SNRK: variants seen among roughly 807,000 people sequenced by gnomAD.
SNRK encodes the protein SNF-related serine/threonine-protein kinase.
Under a neutral mutation model 48.2 loss-of-function variants are expected in SNRK, and 3 were observed. The observed-to-expected ratio is 0.06, with a 90% CI of 0.03 to 0.16. The LOEUF (loss-of-function observed/expected upper bound fraction) is 0.16, where lower values mean the gene tolerates loss of function less well. Among genes scored for constraint, SNRK ranks in the 10% least tolerant of loss-of-function variants. SNRK has a pLI of 1.00. For synonymous variants in SNRK, 376 were observed against 366.1 expected (o/e 1.03, Z -0.31); for missense variants, 627 against 976.0 (o/e 0.64, Z 4.76).
rs545171230 is a variant in SNRK, at chr3:43,333,084, T to A, written c.731+774T>A. 3 of 152,200 alleles carry A rather than the reference T, an allele frequency of 2.0e-5. No homozygotes were observed. In the East Asian group the frequency reaches 5.8e-4, roughly 29 times the overall value. The allele number at this position is 152,200 out of a possible 1,614,324, so 9.4% of individuals were successfully genotyped here. ...TCTGATTGCCCAAGGACTTTTTTTC[T>A]CTAAATGAAGCCCCATCTCAGGTGG... On this transcript the variant is annotated intron_variant, in intron 4 of 6. Transcript: ENST00000296088.
chr3:43,305,026 C>G (rs984346), intron 3 of SNRK, among the ~76,000 whole-genome samples: 1 of 152,080 alleles, frequency 6.6e-6, no homozygotes, highest in Non-Finnish European at 1.5e-5. Context: ...AAAATCTTCA[C>G]CCTCATTAGT....
intron 2 of SNRK, among the ~76,000 whole-genome samples, chr3:43,301,831 G>A (rs568881719): frequency 1.2e-3 from 185 of 152,234 alleles, no homozygotes; most frequent in Non-Finnish European, 4.9e-4. Context: ...TTCCTTGTTG[G>A]ATTTTGTTAC....
chr3:43,349,783 C>T lies in SNRK; in HGVS notation c.*1226C>T, dbSNP rs2091308991. On this transcript the variant is annotated 3_prime_UTR_variant, in exon 7 of 7. Coordinates refer to ENST00000296088, the MANE Select transcript of SNRK (RefSeq NM_017719.5). ...ATAATCATCTGTTGTGGCATTCTATCTTGTAGGACACTGTATATTGCAAAT... is the reference window on the plus strand; with the variant it reads ...ATAATCATCTGTTGTGGCATTCTATTTTGTAGGACACTGTATATTGCAAAT... 1 of 152,156 alleles carries T rather than the reference C, an allele frequency of 6.6e-6. No homozygotes were observed. The highest frequency in any genetic ancestry group is 1.5e-5 in the Non-Finnish European group (1 of 68,030). 9.4% of individuals were successfully genotyped at this position (152,156 alleles called of 1,614,324 possible).
At position 43,303,239 on chromosome 3, in the gene SNRK, T is replaced by A; in HGVS notation, c.36T>A (p.Ile12=). ...TTAAGCGAGGGTATGATGGAAAGAT[T>A]GCTGGATTATATGATCTGGATAAAA... ...AGFKRGYDGK[I]AGLYDLDKTL... The change falls in exon 3 of 7, where the codon ATT becomes ATA. Residue 12 remains isoleucine (I), a synonymous_variant. Coordinates refer to ENST00000296088, the MANE Select transcript of SNRK (RefSeq NM_017719.5). This position sits in a 1 kb window ranked among gnomAD's most constrained non-coding sequence, Gnocchi z 6.2. 6.2e-7 allele frequency: 1 copy of A among 1,614,082 alleles called. No individual in the cohort carries two copies. The highest frequency in any genetic ancestry group is 8.5e-7 in the Non-Finnish European group (1 of 1,179,960).
intron 1 of SNRK, among the ~76,000 whole-genome samples, chr3:43,295,097 C>T (rs2090842466): frequency 6.6e-6 from 1 of 152,104 alleles, no homozygotes; most frequent in Admixed American, 6.5e-5. Context: ...TCACTTTGAC[C>T]AAGAGGCAGA....
At chr3:43,334,618 G>GTGTTTTTTTTT (rs2091172581) in intron 4 of SNRK, among the ~76,000 whole-genome samples, 1 of 146,296 alleles carries the variant, frequency 6.8e-6, no homozygotes, top group East Asian at 2.0e-4. Context: ...TTTTTGAGAT[G>GTGTTTTTTTTT]GAGTCTAGTG....
chr3:43,329,816 CTTG>C (rs956154444), intron 3 of SNRK, among the ~76,000 whole-genome samples: 3 of 152,018 alleles, frequency 2.0e-5, no homozygotes, highest in African/African-American at 7.3e-5. Flanking sequence ...AATTGGACTT[CTTG>C]TTGTTTGTGA....
At chr3:43,287,427 A>T (rs1271991888) in intron 1 of SNRK, among the ~76,000 whole-genome samples, 2 of 152,088 alleles carry the variant, frequency 1.3e-5, no homozygotes, top group Non-Finnish European at 2.9e-5. Context: ...GCTATTTGTA[A>T]CTGTTGGATC....
chr3:43,318,252 A>G (rs1172556346), intron 3 of SNRK, among the ~76,000 whole-genome samples: 1 of 152,136 alleles, frequency 6.6e-6, no homozygotes, highest in South Asian at 2.1e-4. Context: ...GTTTTCTCAC[A>G]TGTTTTTAGT....
At chr3:43,290,563 C>T (rs2090803848) in intron 1 of SNRK, among the ~76,000 whole-genome samples, 1 of 152,298 alleles carries the variant, frequency 6.6e-6, no homozygotes, top group South Asian at 2.1e-4. Flanking sequence ...ATCATCACTG[C>T]CCATATACCA....
intron 3 of SNRK, among the ~76,000 whole-genome samples, chr3:43,317,167 A>G (rs535239675): frequency 1.3e-5 from 2 of 152,336 alleles, no homozygotes; most frequent in African/African-American, 4.8e-5. Context: ...AGCAGAACTC[A>G]TACGCTGAAT....
At chr3:43,324,132 T>C (rs2091076111) in intron 3 of SNRK, among the ~76,000 whole-genome samples, 1 of 152,250 alleles carries the variant, frequency 6.6e-6, no homozygotes, top group Non-Finnish European at 1.5e-5. Context: ...AACAGATCTT[T>C]ATAATTTTAC....
chr3:43,319,937 T>A (rs1198111795), intron 3 of SNRK, among the ~76,000 whole-genome samples: 1 of 152,172 alleles, frequency 6.6e-6, no homozygotes, highest in East Asian at 1.9e-4. Context: ...TTCAGAGGTG[T>A]TTATTGAACA....
intron 3 of SNRK, among the ~76,000 whole-genome samples, chr3:43,321,490 G>T (rs1436903406): frequency 6.6e-6 from 1 of 152,112 alleles, no homozygotes; most frequent in Non-Finnish European, 1.5e-5. Context: ...CTAAGTGCAT[G>T]TACAAAGCTC....
chr3:43,346,458 T>A (rs1007391420), intron 6 of SNRK, among the ~76,000 whole-genome samples: 1 of 152,238 alleles, frequency 6.6e-6, no homozygotes, highest in Admixed American at 6.5e-5. Flanking sequence ...AAAATTCATC[T>A]TCTTTGGGTA....
intron 1 of SNRK, among the ~76,000 whole-genome samples, chr3:43,296,395 G>A (rs1054079569): frequency 8.7e-6 from 1 of 115,542 alleles, no homozygotes; most frequent in African/African-American, 4.1e-5. Flanking sequence ...TTAGTTGTTT[G>A]TATTAGATGG....
At chr3:43,291,977 T>C (rs924914179) in intron 1 of SNRK, among the ~76,000 whole-genome samples, 3 of 152,250 alleles carry the variant, frequency 2.0e-5, no homozygotes, top group Non-Finnish European at 2.9e-5. Context: ...GGTATCACTC[T>C]TAAGGAATTA....
chr3:43,297,153 T>G (rs2090862118), intron 1 of SNRK, among the ~76,000 whole-genome samples: 1 of 152,180 alleles, frequency 6.6e-6, no homozygotes, highest in Non-Finnish European at 1.5e-5. Context: ...AAGAACTTAG[T>G]GCATGGGAAA....
intron 3 of SNRK, among the ~76,000 whole-genome samples, chr3:43,330,624 G>A (rs1301113092): frequency 2.0e-5 from 3 of 152,126 alleles, no homozygotes; most frequent in East Asian, 3.8e-4. Flanking sequence ...GTGACTAGTC[G>A]CCATTATTAA....
Sources: allele counts gnomAD v4.1 joint callset (sites outside exome capture counted in the v4.1 genomes callset), GRCh38; gene constraint gnomAD v4.1.1; non-coding constraint Gnocchi (gnomAD v3.1); transcripts MANE v1.5; gene names NCBI Gene and HGNC (gene_info 2026-07-23, HGNC 2026-07-21).